SCML2: variants seen among roughly 807,000 people sequenced by gnomAD.
SCML2 encodes Scm polycomb group protein like 2.
A neutral mutation model predicts 48.4 loss-of-function variants in SCML2; 6 were observed. That is an observed-to-expected ratio of 0.12 (90% CI 0.07 to 0.24). The LOEUF (loss-of-function observed/expected upper bound fraction) is 0.24, where lower values mean the gene tolerates loss of function less well. Among genes scored for constraint, SCML2 ranks in the 10% least tolerant of loss-of-function variants. SCML2 has a pLI of 1.00. For synonymous variants in SCML2, 181 were observed against 189.5 expected (o/e 0.95, Z 0.37); for missense variants, 377 against 528.2 (o/e 0.71, Z 2.81).
At chrX:18,260,569 A>T (rs5909436) in intron 8 of SCML2, among the ~76,000 whole-genome samples, 25,361 of 109,154 alleles carry the variant, frequency 0.23, 2,335 homozygotes, top group Middle Eastern at 0.34. Flanking sequence ...GCCAAATTAG[A>T]TTATTCCATA....
At chrX:18,248,108 A>G (rs928042087) in intron 11 of SCML2, among the ~76,000 whole-genome samples, 1 of 112,058 alleles carries the variant, frequency 8.9e-6, no homozygotes, top group Non-Finnish European at 1.9e-5. Context: ...CAGAAGGAGC[A>G]TATCTAGGCT....
chrX:18,329,952 C>T (rs1298590830), intron 3 of SCML2, among the ~76,000 whole-genome samples: 1 of 111,918 alleles, frequency 8.9e-6, no homozygotes, highest in Non-Finnish European at 1.9e-5. Context: ...GTGGTGCATG[C>T]CTGTAGTCCC....
At chrX:18,343,700 G>A (rs1930095618) in intron 1 of SCML2, among the ~76,000 whole-genome samples, 1 of 102,916 alleles carries the variant, frequency 9.7e-6, no homozygotes, top group Non-Finnish European at 2.0e-5. Flanking sequence ...GGCGGAGGTT[G>A]CAGTGAGCAG....
chrX:18,241,772 A>T (rs1926273190), intron 14 of SCML2, among the ~76,000 whole-genome samples: 2 of 112,131 alleles, frequency 1.8e-5, no homozygotes, highest in South Asian at 7.4e-4. Context: ...CAAACTGTAA[A>T]TGTGCTATAC....
chrX:18,328,834 G>C (rs1929565163), intron 3 of SCML2, among the ~76,000 whole-genome samples: 1 of 112,321 alleles, frequency 8.9e-6, no homozygotes, highest in African/African-American at 3.2e-5. Context: ...CTTACCTTCT[G>C]GTAGTCACTC....
chrX:18,300,785 C>T (rs1170153330), intron 7 of SCML2, among the ~76,000 whole-genome samples: 4 of 103,607 alleles, frequency 3.9e-5, no homozygotes, highest in Admixed American at 1.1e-4. Context: ...AGCAAGACTC[C>T]GTTTCAAAAA....
intron 1 of SCML2, among the ~76,000 whole-genome samples, chrX:18,344,792 G>A (rs1930146510): frequency 9.0e-6 from 1 of 111,014 alleles, no homozygotes. Flanking sequence ...TATCGGCAGC[G>A]TGAAAACAGA....
intron 1 of SCML2, among the ~76,000 whole-genome samples, chrX:18,334,442 T>A (rs890267131): frequency 9.0e-6 from 1 of 111,646 alleles, no homozygotes; most frequent in African/African-American, 3.2e-5. Context: ...ATTTTTAAAA[T>A]TAATTGAGTA....
chrX:18,344,305 C>A (rs773691473), intron 1 of SCML2, among the ~76,000 whole-genome samples: 38 of 112,448 alleles, frequency 3.4e-4, no homozygotes, highest in Non-Finnish European at 6.4e-4. Flanking sequence ...ATCTTTGACT[C>A]CCCTCCTCTT....
At chrX:18,258,779 A>T (rs1372348616) in intron 9 of SCML2, among the ~76,000 whole-genome samples, 1 of 111,150 alleles carries the variant, frequency 9.0e-6, no homozygotes, top group African/African-American at 3.3e-5. Context: ...ATATTTTATT[A>T]ATTTTAGGAA....
chrX:18,308,281 A>C (rs1461985704), intron 6 of SCML2, among the ~76,000 whole-genome samples: 1 of 93,178 alleles, frequency 1.1e-5, no homozygotes, highest in East Asian at 3.7e-4. Context: ...AACAAAAAAA[A>C]ACAGGAAGGA....
chrX:18,307,112 G>A (rs1005808221), intron 6 of SCML2, among the ~76,000 whole-genome samples: 4 of 110,976 alleles, frequency 3.6e-5, no homozygotes, highest in Non-Finnish European at 7.5e-5. Context: ...ACGAAACCTC[G>A]TCTCTGCAAA....
chrX:18,246,964 T>C (rs1346124592), intron 12 of SCML2, 136 bp from the exon 13 acceptor site: 3 of 621,243 alleles, frequency 4.8e-6, no homozygotes, highest in Non-Finnish European at 7.4e-6. Flanking sequence ...TAACACAAAG[T>C]TCATGGCTAT....
intron 7 of SCML2, among the ~76,000 whole-genome samples, chrX:18,301,226 C>T (rs1424751963): frequency 4.5e-5 from 5 of 110,253 alleles, no homozygotes; most frequent in East Asian, 2.9e-4. Flanking sequence ...GGTGAAACCC[C>T]GTCTTTACTA....
At chrX:18,350,883 C>T (rs2082402459) in intron 1 of SCML2, among the ~76,000 whole-genome samples, 1 of 111,420 alleles carries the variant, frequency 9.0e-6, no homozygotes, top group Non-Finnish European at 1.9e-5. Context: ...CTAAGATAAA[C>T]GCCAGTGGTT....
At chrX:18,288,229 A>C (rs933789399) in intron 7 of SCML2, among the ~76,000 whole-genome samples, 1 of 111,586 alleles carries the variant, frequency 9.0e-6, no homozygotes, top group African/African-American at 3.2e-5. Flanking sequence ...TTTCCAAAAA[A>C]ACACATCAGA....
At chrX:18,289,371 T>G (rs1028003175) in intron 7 of SCML2, among the ~76,000 whole-genome samples, 3 of 112,563 alleles carry the variant, frequency 2.7e-5, no homozygotes, top group African/African-American at 9.7e-5. Flanking sequence ...GCTGTTCATA[T>G]GAAAAAGAAA....
intron 7 of SCML2, among the ~76,000 whole-genome samples, chrX:18,288,243 A>G (rs1288696770): frequency 1.8e-5 from 2 of 111,590 alleles, no homozygotes; most frequent in African/African-American, 6.5e-5. Flanking sequence ...CATCAGATGT[A>G]TTAATATATT....
intron 8 of SCML2, among the ~76,000 whole-genome samples, chrX:18,262,354 T>TG (rs1281057705): frequency 1.0e-5 from 1 of 98,598 alleles, no homozygotes; most frequent in Non-Finnish European, 2.0e-5. Context: ...TTTTTTTTTT[T>TG]TTTTGAGATG....
Sources: gnomAD v4.1 joint callset for allele counts (sites outside exome capture counted in the v4.1 genomes callset) on GRCh38, gnomAD v4.1.1 for gene constraint, MANE v1.5 for transcripts, NCBI Gene and HGNC (gene_info 2026-07-23, HGNC 2026-07-21) for gene names.